VWA3B: variants seen among roughly 807,000 people sequenced by gnomAD.
VWA3B encodes the protein von Willebrand factor A domain-containing protein 3B.
A neutral mutation model predicts 158.3 loss-of-function variants in VWA3B; 138 were observed. The ratio of observed to expected loss-of-function variants is 0.87; its 90% CI spans 0.76 to 1.00. The LOEUF (loss-of-function observed/expected upper bound fraction) is 1.00. VWA3B is among the 50% of genes least tolerant of loss of function. The probability of loss-of-function intolerance (pLI) is 0.00; values close to 1 mark genes in which losing one functional copy is unlikely to be tolerated. For missense variants in VWA3B, 1,555 were observed against 1,565.1 expected, an observed-to-expected ratio of 0.99 and a Z score of 0.11; for synonymous variants, 596 against 587.3, an observed-to-expected ratio of 1.01 and a Z score of -0.21.
intron 3 of VWA3B, among the ~76,000 whole-genome samples, chr2:98,118,229 T>G (rs1674681309): frequency 6.6e-6 from 1 of 152,196 alleles, no homozygotes; most frequent in Non-Finnish European, 1.5e-5. Flanking sequence ...GGCTTCTGTG[T>G]TGTAGCAGTA....
chr2:98,143,397 CTG>C (rs1430635081), intron 7 of VWA3B, among the ~76,000 whole-genome samples: 1 of 152,184 alleles, frequency 6.6e-6, no homozygotes, highest in African/African-American at 2.4e-5. Context: ...ACTTTCTAAA[CTG>C]TAGCTACTAG....
At chr2:98,179,948 T>C (rs1346615089) in intron 8 of VWA3B, among the ~76,000 whole-genome samples, 1 of 139,796 alleles carries the variant, frequency 7.2e-6, no homozygotes, top group Non-Finnish European at 1.6e-5. Flanking sequence ...CCCTCCTTTC[T>C]CTCTTTCTCT....
At position 98,313,290 on chromosome 2, in the gene VWA3B, A is replaced by G. The variant is rs1430766980; in HGVS notation, c.*941A>G. ...AATCCACTTCTAAAAATATGAAAAAAAAAAAATAAGGGACATGCGCTCAGC... is the reference window on the plus strand; with the variant it reads ...AATCCACTTCTAAAAATATGAAAAAGAAAAAATAAGGGACATGCGCTCAGC... On this transcript the variant is annotated 3_prime_UTR_variant, in exon 28 of 28. Coordinates refer to ENST00000477737, the MANE Select transcript of VWA3B (RefSeq NM_144992.5). 6.6e-6 allele frequency: 1 copy of G among 152,180 alleles called. No individual in the cohort carries two copies. Among genetic ancestry groups the G allele is most frequent in the Non-Finnish European group, 1.5e-5 (1 of 68,026 alleles). The allele number at this position is 152,180 out of a possible 1,614,324, so 9.4% of individuals were successfully genotyped here.
chr2:98,230,173 T>A lies in VWA3B; in HGVS notation c.2274T>A (p.Asp758Glu), dbSNP rs775478603. ...NMLKGPWGLS[D>E]QKVQKKKVLH... Reference sequence around the variant, plus strand: ...TGAAGGGACCATGGGGCCTTTCAGATCAAAAGGTTCAGAAAAAGAAAGTCC... The same window carrying A: ...TGAAGGGACCATGGGGCCTTTCAGAACAAAAGGTTCAGAAAAAGAAAGTCC... The change falls in exon 16 of 28, where the codon GAT (aspartate) becomes GAA (glutamate). Residue 758 changes from aspartate to glutamate, a missense_variant. Asp to Glu is a conservative substitution (Grantham distance 45, BLOSUM62 2). Transcript: ENST00000477737. 2.5e-6 allele frequency: 4 copies of A among 1,589,952 alleles called. No individual in the cohort carries two copies. The Admixed American group carries it at 7.7e-5, about 30-fold the overall frequency.
chr2:98,191,136 C>T (rs1681538949), intron 10 of VWA3B, among the ~76,000 whole-genome samples: 1 of 152,070 alleles, frequency 6.6e-6, no homozygotes, highest in African/African-American at 2.4e-5. Context: ...CTATTAATAC[C>T]ATGCAGTGTA....
chr2:98,171,090 G>T (rs1679544668), intron 8 of VWA3B, among the ~76,000 whole-genome samples: 1 of 152,236 alleles, frequency 6.6e-6, no homozygotes, highest in Non-Finnish European at 1.5e-5. Flanking sequence ...CTGTCACATA[G>T]TTAGAATGTA....
chr2:98,248,869 TTC>T (rs1274149969), intron 19 of VWA3B, among the ~76,000 whole-genome samples: 5 of 32,168 alleles, frequency 1.6e-4, no homozygotes, highest in South Asian at 1.8e-3. Context: ...CTTTCTTTCT[TTC>T]TTTCTTTCTT....
chr2:98,207,407 G>A lies in VWA3B; in HGVS notation c.1738-4523G>A, dbSNP rs1404783554. ...AATGAGCATAATGATGTTGCCCGTG[G>A]GGTGCAAAAGATTCTGCATGGCTAC... is the stretch of plus-strand genomic sequence containing the variant. On this transcript the variant is annotated intron_variant, in intron 12 of 27. Transcript: ENST00000477737. 13 of 475,250 alleles carry A rather than the reference G, an allele frequency of 2.7e-5. No individual in the cohort carries two copies. The East Asian group carries it at 3.2e-4, about 12-fold the overall frequency. 29.4% of individuals were successfully genotyped at this position (475,250 alleles called of 1,614,324 possible).
At chr2:98,224,537 T>C (rs1413598277) in intron 14 of VWA3B, among the ~76,000 whole-genome samples, 2 of 151,506 alleles carry the variant, frequency 1.3e-5, no homozygotes, top group African/African-American at 4.9e-5. Flanking sequence ...ACAAAAGCAA[T>C]ACAAAGGGCT....
intron 2 of VWA3B, among the ~76,000 whole-genome samples, chr2:98,106,025 C>T (rs1251030610): frequency 1.3e-5 from 2 of 152,088 alleles, no homozygotes; most frequent in Non-Finnish European, 2.9e-5. Context: ...ACGCCATTCT[C>T]CTGCCTCAGC....
intron 12 of VWA3B, chr2:98,207,273 T>C: frequency 2.0e-6 from 1 of 502,062 alleles, no homozygotes; most frequent in Non-Finnish European, 4.0e-6. Flanking sequence ...CCTTTGCTCA[T>C]TTGGATGCCA....
At chr2:98,238,618 T>G (rs1451578316) in intron 19 of VWA3B, among the ~76,000 whole-genome samples, 1 of 151,924 alleles carries the variant, frequency 6.6e-6, no homozygotes. Context: ...AAGCATAAAA[T>G]CCAAGGAAGA....
chr2:98,194,867 C>G (rs1234481452), intron 12 of VWA3B, among the ~76,000 whole-genome samples: 1 of 151,904 alleles, frequency 6.6e-6, no homozygotes, highest in Non-Finnish European at 1.5e-5. Flanking sequence ...CCATTCTTAT[C>G]AATGGGCTTT....
Position 98,250,320 on chromosome 2 carries a change from GT to G in VWA3B, c.2678del (p.Phe893SerfsTer13). 6.2e-7 allele frequency: 1 copy of G among 1,609,592 alleles called. No individual in the cohort carries two copies. The highest frequency in any genetic ancestry group is 1.7e-5 in the Admixed American group (1 of 58,920). ...TTTCCTTTGCCATTGACATGCAGGT[GT>G]TCCCTCTGGCACATGTGTGCAACGA... is the stretch of plus-strand genomic sequence containing the variant. ...HVVSKVFDEV[F>X]PLAHVCNDTN... On this transcript the variant is annotated frameshift_variant, in exon 20 of 28. Transcript: ENST00000477737. LOFTEE classifies it high-confidence loss of function.
At chr2:98,143,009 A>G (rs1045020483) in intron 7 of VWA3B, among the ~76,000 whole-genome samples, 11 of 152,208 alleles carry the variant, frequency 7.2e-5, no homozygotes, top group Admixed American at 2.6e-4. Context: ...AATCAAAACG[A>G]TAATACGTAT....
Position 98,250,455 on chromosome 2 carries a change from T to C in VWA3B, c.2792+19T>C, listed in dbSNP as rs1292953744. The C allele has an allele frequency of 6.5e-7, 1 of 1,537,210 alleles. No homozygotes were observed. The highest frequency in any genetic ancestry group is 2.3e-5 in the East Asian group (1 of 43,068). ...ATGAAAAGTGAGTATTACTCTTGGC[T>C]GCTCTTTAATGGATGTGGAATTTAT... is the stretch of plus-strand genomic sequence containing the variant. On this transcript the variant is annotated intron_variant, in intron 20 of 27. Transcript: ENST00000477737.
At chr2:98,276,586 G>A (rs1688535382) in intron 22 of VWA3B, among the ~76,000 whole-genome samples, 1 of 152,148 alleles carries the variant, frequency 6.6e-6, no homozygotes, top group South Asian at 2.1e-4. Flanking sequence ...GCCCATGTGT[G>A]TCCAGAGGGC....
intron 7 of VWA3B, among the ~76,000 whole-genome samples, chr2:98,137,761 A>G (rs1676399281): frequency 6.6e-6 from 1 of 152,230 alleles, no homozygotes; most frequent in South Asian, 2.1e-4. Context: ...CACATTTCTT[A>G]TAATTTACAA....
At chr2:98,199,084 C>T (rs952442712) in intron 12 of VWA3B, among the ~76,000 whole-genome samples, 8 of 64,782 alleles carry the variant, frequency 1.2e-4, no homozygotes, top group African/African-American at 5.7e-4. Context: ...GAGACTCCGT[C>T]TCAAAAAAAA....
Sources: gnomAD v4.1 joint callset for allele counts (sites outside exome capture counted in the v4.1 genomes callset) on GRCh38, gnomAD v4.1.1 for gene constraint, MANE v1.5 for transcripts, NCBI Gene and HGNC (gene_info 2026-07-23, HGNC 2026-07-21) for gene names.